The following MAGI1 variants were observed in gnomAD, a reference collection of about 807,000 sequenced individuals.
The protein encoded by MAGI1 is membrane associated guanylate kinase, WW and PDZ domain containing 1.
Under a neutral mutation model 139.9 loss-of-function variants are expected in MAGI1, and 58 were observed. The ratio of observed to expected loss-of-function variants is 0.41; its 90% confidence interval spans 0.34 to 0.52. MAGI1 has a LOEUF of 0.52. MAGI1 is among the 20% of genes least tolerant of loss of function. The pLI is 0.12. For missense variants in MAGI1, 1,874 were observed against 1,901.6 expected (o/e 0.99, Z 0.27); for synonymous variants, 812 against 737.9 (o/e 1.10, Z -1.63).
chr3:65,728,780 T>C (rs905853591), intron 1 of MAGI1, among the ~76,000 whole-genome samples: 12 of 152,252 alleles, frequency 7.9e-5, no homozygotes, highest in African/African-American at 2.9e-4. Context: ...TTTTAAAAAA[T>C]CTTAAAGGAA....
At chr3:65,570,302 A>T (rs1452721709) in intron 2 of MAGI1, among the ~76,000 whole-genome samples, 2 of 151,616 alleles carry the variant, frequency 1.3e-5, no homozygotes, top group African/African-American at 4.8e-5. Context: ...GGGTTTCAAC[A>T]TGTTGGCCAG....
chr3:65,758,012 G>A (rs1346968880), intron 1 of MAGI1, among the ~76,000 whole-genome samples: 1 of 152,144 alleles, frequency 6.6e-6, no homozygotes, highest in African/African-American at 2.4e-5. Context: ...ACCCATTTCT[G>A]TGATGTCACA....
intron 1 of MAGI1, among the ~76,000 whole-genome samples, chr3:65,814,042 G>A (rs1440665500): frequency 6.6e-6 from 1 of 151,782 alleles, no homozygotes; most frequent in Non-Finnish European, 1.5e-5. Context: ...AGATGCTAAG[G>A]ACTATTATGC....
intron 1 of MAGI1, among the ~76,000 whole-genome samples, chr3:65,762,070 A>AT (rs2037075990): frequency 6.6e-6 from 1 of 151,984 alleles, no homozygotes; most frequent in Admixed American, 6.6e-5. Context: ...GAACTGCCTC[A>AT]TTTTTTCTTT....
intron 1 of MAGI1, among the ~76,000 whole-genome samples, chr3:65,935,431 CA>C (rs1448193858): frequency 2.0e-5 from 3 of 151,866 alleles, no homozygotes; most frequent in Non-Finnish European, 4.4e-5. Flanking sequence ...TCAGCCTGGG[CA>C]AAAAAGTGAG....
rs1951632692 is a variant in MAGI1 at position 65,486,308 on chromosome 3, T to C, written c.550+7204A>G. Among the ~76,000 whole-genome samples the C allele has an allele frequency of 3.3e-5, 5 of 152,196 alleles. 1 individual carries two copies. In the South Asian group the frequency reaches 1.0e-3, roughly 31 times the overall value. On this transcript the variant is annotated intron_variant, in intron 3 of 22. Transcript: ENST00000402939. The stretch of plus-strand genomic sequence containing the variant: ...CACTTCTATGCTGAAGGAAAACCTT[T>C]GCAATGCTCAAAGTGTATAATCAGC...
intron 12 of MAGI1, among the ~76,000 whole-genome samples, chr3:65,412,428 G>A (rs1288603406): frequency 6.6e-6 from 1 of 152,102 alleles, no homozygotes; most frequent in Non-Finnish European, 1.5e-5. Context: ...TGTTTTCATT[G>A]AGCCTATCAC....
chr3:65,357,149 C>T lies in MAGI1; in HGVS notation c.3635-17G>A, dbSNP rs1301469889. 2 of 1,592,936 alleles carry T rather than the reference C, an allele frequency of 1.3e-6. No individual in the cohort carries two copies. The highest frequency in any genetic ancestry group is 1.7e-6 in the Non-Finnish European group (2 of 1,169,178). On this transcript the variant is annotated splice_polypyrimidine_tract_variant and intron_variant, in intron 22 of 22. Coordinates refer to ENST00000402939, the MANE Select transcript of MAGI1 (RefSeq NM_001033057.2). ...TGCTGGGGTCTGCCAGGAAAATAAA[C>T]GAGAGCAACAGTTGGGTACGAAGGT...
chr3:65,535,983 A>C (rs2078942374), intron 2 of MAGI1, among the ~76,000 whole-genome samples: 1 of 152,214 alleles, frequency 6.6e-6, no homozygotes, highest in South Asian at 2.1e-4. Flanking sequence ...TCACACCATG[A>C]GGGGCACATG....
At chr3:65,947,661 G>C (rs897838532) in intron 1 of MAGI1, among the ~76,000 whole-genome samples, 7 of 152,148 alleles carry the variant, frequency 4.6e-5, no homozygotes, top group African/African-American at 1.7e-4. Context: ...CTGTTACCCA[G>C]ACTGGAGTAC....
intron 1 of MAGI1, among the ~76,000 whole-genome samples, chr3:65,747,797 C>T (rs1206841662): frequency 6.6e-6 from 1 of 152,002 alleles, no homozygotes; most frequent in Non-Finnish European, 1.5e-5. Context: ...TAAAACTGCT[C>T]TAAAAAATAA....
intron 1 of MAGI1, among the ~76,000 whole-genome samples, chr3:65,625,205 A>G (rs2083905080): frequency 6.6e-6 from 1 of 152,176 alleles, no homozygotes; most frequent in African/African-American, 2.4e-5. Flanking sequence ...GATTAATAAC[A>G]TTGGTTTATA....
chr3:65,480,293 G>A (rs992489632), intron 3 of MAGI1, among the ~76,000 whole-genome samples: 10 of 152,018 alleles, frequency 6.6e-5, no homozygotes, highest in Non-Finnish European at 1.0e-4. Context: ...AGCACATTGG[G>A]AGGCTGAGGC....
In MAGI1 at chr3:65,973,879, G is replaced by GA. The variant is rs1277469328; in HGVS notation, c.313+64116dup. ...TTTCAGAACAATTCATATAATCAGG[G>GA]AAAAAAATGTAAACAGTGAAGACAA... On this transcript the variant is annotated intron_variant, in intron 1 of 22. Coordinates refer to ENST00000402939, the MANE Select transcript of MAGI1 (RefSeq NM_001033057.2). Among the ~76,000 whole-genome samples, 8 of 151,724 alleles carry GA rather than the reference G, an allele frequency of 5.3e-5. No individual in the cohort carries two copies. The East Asian group carries it at 9.7e-4, about 18-fold the overall frequency.
At chr3:65,485,396 A>G (rs376235821) in intron 3 of MAGI1, among the ~76,000 whole-genome samples, 6 of 152,344 alleles carry the variant, frequency 3.9e-5, no homozygotes, top group African/African-American at 7.2e-5. Flanking sequence ...GGAGAACATA[A>G]GAGTTTTACG....
chr3:65,565,462 G>A (rs1480687800), intron 2 of MAGI1, among the ~76,000 whole-genome samples: 2 of 152,082 alleles, frequency 1.3e-5, no homozygotes, highest in South Asian at 2.1e-4. Flanking sequence ...TTGTGTTCAC[G>A]GTTGTTAAAG....
At chr3:65,526,617 A>G (rs530613992) in intron 2 of MAGI1, among the ~76,000 whole-genome samples, 19 of 152,224 alleles carry the variant, frequency 1.2e-4, no homozygotes, top group Non-Finnish European at 2.2e-4. Context: ...AATTGCTTAT[A>G]AAGTGAAAAG....
At chr3:65,564,331 G>C (rs1379388273) in intron 2 of MAGI1, among the ~76,000 whole-genome samples, 1 of 151,244 alleles carries the variant, frequency 6.6e-6, no homozygotes, top group Non-Finnish European at 1.5e-5. Context: ...TGTGCTGCAT[G>C]AATGTCCTGA....
At chr3:65,437,525 A>G (rs1284700555) in intron 9 of MAGI1, among the ~76,000 whole-genome samples, 1 of 152,072 alleles carries the variant, frequency 6.6e-6, no homozygotes, top group East Asian at 1.9e-4. Flanking sequence ...AAATGTCAGG[A>G]AAGACATACA....
Sources: gnomAD v4.1 joint callset for allele counts (sites outside exome capture counted in the v4.1 genomes callset) on GRCh38, gnomAD v4.1.1 for gene constraint, MANE v1.5 for transcripts, NCBI Gene and HGNC (gene_info 2026-07-23, HGNC 2026-07-21) for gene names.